The following CMIP variants were observed in gnomAD, a reference collection of about 807,000 sequenced individuals.
The protein encoded by CMIP is c-Maf inducing protein, also known as C-Maf-inducing protein.
In CMIP, 13 loss-of-function variants were observed where a neutral mutation model predicts 97.3. The ratio of observed to expected loss-of-function variants is 0.13; its 90% CI spans 0.09 to 0.21. The LOEUF (loss-of-function observed/expected upper bound fraction) is 0.21. CMIP is among the 10% of genes least tolerant of loss of function. The pLI is 1.00. For synonymous variants in CMIP, 538 were observed against 436.3 expected (o/e 1.23, Z -2.91); for missense variants, 847 against 1,024.9 (o/e 0.83, Z 2.37).
intron 1 of CMIP, among the ~76,000 whole-genome samples, chr16:81,599,106 C>T (rs549549591): frequency 6.6e-6 from 1 of 151,884 alleles, no homozygotes; most frequent in Non-Finnish European, 1.5e-5. Flanking sequence ...AAAATAGACA[C>T]AGTCACCCCA....
In CMIP at chr16:81,544,573, A is replaced by G. The variant is rs539822806; in HGVS notation, c.301-62994A>G. Among the ~76,000 whole-genome samples, 9 of 151,298 alleles carry G rather than the reference A, an allele frequency of 5.9e-5. No individual in the cohort carries two copies. The South Asian group carries it at 1.9e-3, about 32-fold the overall frequency. On this transcript the variant is annotated intron_variant, in intron 1 of 20. Coordinates refer to ENST00000537098, the MANE Select transcript of CMIP (RefSeq NM_198390.3). ...TATATCTTGGAGCCTAAGGACTTCTATTTCTGCTCTGGGTCCAGTGCAGGG... is the reference window on the plus strand; with the variant it reads ...TATATCTTGGAGCCTAAGGACTTCTGTTTCTGCTCTGGGTCCAGTGCAGGG...
Position 81,629,685 on chromosome 16 carries a change from A to C in CMIP, c.477+8759A>C, listed in dbSNP as rs1278118258. ...CGCAGCCATTTTAGCAGCTGTGGCC[A>C]GGCACATGGACAGTCCTGTGAGCCT... On this transcript the variant is annotated intron_variant, in intron 3 of 20. Coordinates refer to ENST00000537098, the MANE Select transcript of CMIP (RefSeq NM_198390.3). 2.6e-5 allele frequency among the ~76,000 whole-genome samples: 4 copies of C among 152,352 alleles called. No individual in the cohort carries two copies. The East Asian group carries it at 7.7e-4, about 29-fold the overall frequency.
intron 17 of CMIP, among the ~76,000 whole-genome samples, chr16:81,703,393 A>G (rs1429204661): frequency 1.3e-5 from 2 of 152,080 alleles, no homozygotes; most frequent in African/African-American, 4.8e-5. Context: ...TTCAGGCATT[A>G]GAGTTGAGTG....
intron 4 of CMIP, among the ~76,000 whole-genome samples, chr16:81,653,120 A>G (rs2092446986): frequency 6.6e-6 from 1 of 152,196 alleles, no homozygotes; most frequent in Admixed American, 6.5e-5. Flanking sequence ...CTTTACAAAT[A>G]TTAATACTGC....
intron 1 of CMIP, among the ~76,000 whole-genome samples, chr16:81,567,278 G>A (rs1319490281): frequency 6.6e-6 from 1 of 152,254 alleles, no homozygotes; most frequent in Non-Finnish European, 1.5e-5. Context: ...CTTCCCTGAA[G>A]GGACTTGCTT....
intron 1 of CMIP, among the ~76,000 whole-genome samples, chr16:81,451,365 T>A (rs1328994896): frequency 6.6e-6 from 1 of 152,114 alleles, no homozygotes; most frequent in African/African-American, 2.4e-5. Flanking sequence ...GGTTGTAAGT[T>A]CCCCCCAGCC....
rs1233533589 is a variant in CMIP at position 81,453,559 on chromosome 16, C to G, written c.300+8018C>G. On this transcript the variant is annotated intron_variant, in intron 1 of 20. Transcript: ENST00000537098. The surrounding 1 kb of genome is among the most constrained non-coding windows in gnomAD (Gnocchi z 4.0). Reference sequence around the variant, plus strand: ...CTCTCCTCCCTCGCATGTTGGCTCCCTGTGTGGACTAGGTGACCCTGTTTA... The same window carrying G: ...CTCTCCTCCCTCGCATGTTGGCTCCGTGTGTGGACTAGGTGACCCTGTTTA... 1.3e-5 allele frequency among the ~76,000 whole-genome samples: 2 copies of G among 152,312 alleles called. No individual in the cohort carries two copies. Among genetic ancestry groups the G allele is most frequent in the South Asian group, 2.1e-4 (1 of 4,832 alleles).
At position 81,505,816 on chromosome 16, in the gene CMIP, C is replaced by A. The variant is rs77589088; in HGVS notation, c.300+60275C>A. Among the ~76,000 whole-genome samples, 1,161 of 152,202 alleles carry A rather than the reference C, an allele frequency of 7.6e-3. 19 individuals carry two copies. Among genetic ancestry groups the A allele is most frequent in the East Asian group, 0.047 (241 of 5,170 alleles). Reference sequence around the variant, plus strand: ...GACCAGCCTGACCAACATGGCAAAACCCTGTCTCTACTAAATACAAAACAA... The same window carrying A: ...GACCAGCCTGACCAACATGGCAAAAACCTGTCTCTACTAAATACAAAACAA... On this transcript the variant is annotated intron_variant, in intron 1 of 20. Transcript: ENST00000537098.
intron 1 of CMIP, among the ~76,000 whole-genome samples, chr16:81,515,247 G>A (rs1327213595): frequency 6.6e-6 from 1 of 152,228 alleles, no homozygotes; most frequent in Non-Finnish European, 1.5e-5. Context: ...GGGCAGGTGA[G>A]GCTGAACCCT....
rs567658645 is a variant in CMIP, at chr16:81,662,903, G to A, written c.745-1366G>A. ...CTGGTGGTCAAATGCCAAAGCCCTCGTACTATCATACCCAATTTCCAAGGT... is the reference window on the plus strand; with the variant it reads ...CTGGTGGTCAAATGCCAAAGCCCTCATACTATCATACCCAATTTCCAAGGT... On this transcript the variant is annotated intron_variant, in intron 6 of 20. Transcript: ENST00000537098. Among the ~76,000 whole-genome samples the A allele has an allele frequency of 3.0e-4, 46 of 152,218 alleles. 1 individual carries two copies. The highest frequency in any genetic ancestry group is 9.6e-4 in the African/African-American group (40 of 41,538).
intron 1 of CMIP, among the ~76,000 whole-genome samples, chr16:81,591,581 C>T (rs1441635943): frequency 6.6e-6 from 1 of 152,178 alleles, no homozygotes; most frequent in Non-Finnish European, 1.5e-5. Flanking sequence ...CACAAATGTG[C>T]ATCTGCTGTG....
At chr16:81,571,567 T>C (rs897509775) in intron 1 of CMIP, among the ~76,000 whole-genome samples, 2 of 111,308 alleles carry the variant, frequency 1.8e-5, no homozygotes, top group Non-Finnish European at 1.7e-5. Flanking sequence ...TTGGGCAACA[T>C]AGTGAGATCT....
chr16:81,498,702 C>T (rs1374865598), intron 1 of CMIP, among the ~76,000 whole-genome samples: 1 of 152,158 alleles, frequency 6.6e-6, no homozygotes, highest in Admixed American at 6.5e-5. Context: ...GCACACATGT[C>T]CTGGGCCCTG....
chr16:81,597,707 T>C (rs1375151398), intron 1 of CMIP, among the ~76,000 whole-genome samples: 1 of 152,144 alleles, frequency 6.6e-6, no homozygotes, highest in Non-Finnish European at 1.5e-5. Flanking sequence ...CTTGGGCCAG[T>C]TCCCCCATTC....
rs1027266513 is a variant in CMIP, at chr16:81,497,786, G to A, written c.300+52245G>A. Among the ~76,000 whole-genome samples, 8 of 152,214 alleles carry A rather than the reference G, an allele frequency of 5.3e-5. No homozygotes were observed. In the East Asian group the frequency reaches 5.8e-4, roughly 11 times the overall value. ...GGCTTGTGCTCTGGGAGCCTTGGCC[G>A]ACACAGGTGCCCCGCCGCCTCCTCT... On this transcript the variant is annotated intron_variant, in intron 1 of 20. Coordinates refer to ENST00000537098, the MANE Select transcript of CMIP (RefSeq NM_198390.3).
At chr16:81,529,881 T>G (rs548967428) in intron 1 of CMIP, among the ~76,000 whole-genome samples, 14 of 152,204 alleles carry the variant, frequency 9.2e-5, no homozygotes, top group Non-Finnish European at 2.1e-4. Context: ...TGAGGCCGTG[T>G]TGGGCTCTGA....
chr16:81,517,115 G>C (rs2089930810), intron 1 of CMIP, among the ~76,000 whole-genome samples: 1 of 152,032 alleles, frequency 6.6e-6, no homozygotes, highest in South Asian at 2.1e-4. Context: ...CGGCCTCCAA[G>C]GTCTTCAGCG....
intron 1 of CMIP, among the ~76,000 whole-genome samples, chr16:81,452,736 T>G (rs1255746985): frequency 1.3e-5 from 2 of 152,196 alleles, no homozygotes. Context: ...TCCTTCCTCC[T>G]GCTCTGTGGA....
At chr16:81,485,118 T>A (rs532970848) in intron 1 of CMIP, among the ~76,000 whole-genome samples, 1 of 152,304 alleles carries the variant, frequency 6.6e-6, no homozygotes, top group Non-Finnish European at 1.5e-5. Flanking sequence ...ACGTCTTATT[T>A]TTTATTCCGA....
Sources: gnomAD v4.1 joint callset for allele counts (sites outside exome capture counted in the v4.1 genomes callset) on GRCh38, gnomAD v4.1.1 for gene constraint, Gnocchi (gnomAD v3.1) non-coding constraint, MANE v1.5 for transcripts, NCBI Gene and HGNC (gene_info 2026-07-23, HGNC 2026-07-21) for gene names.